Variants in DPYD observed in about 807,000 individuals in gnomAD.
DPYD encodes dihydropyrimidine dehydrogenase [NADP(+)].
DPYD carries 109 observed loss-of-function variants against 116.2 expected under a neutral mutation model. The ratio of observed to expected loss-of-function variants is 0.94; its 90% CI spans 0.80 to 1.10. The LOEUF (loss-of-function observed/expected upper bound fraction) is 1.10, where lower values mean the gene tolerates loss of function less well. Among genes scored for constraint, DPYD ranks in the 50% least tolerant of loss-of-function variants. DPYD has a pLI of 0.00. For missense variants in DPYD, 1,302 were observed against 1,254.5 expected, an observed-to-expected ratio of 1.04 and a Z score of -0.57; for synonymous variants, 440 against 432.0, an observed-to-expected ratio of 1.02 and a Z score of -0.23.
At position 97,693,142 on chromosome 1, in the gene DPYD, T is replaced by G. The variant is rs955177813; in HGVS notation, c.681-1344A>C. Among the ~76,000 whole-genome samples, 8 of 151,530 alleles carry G rather than the reference T, an allele frequency of 5.3e-5. No homozygotes were observed. The East Asian group carries it at 1.4e-3, about 26-fold the overall frequency. ...CGTCTCTACTAAAAATACAAAAAAATTAGCCAGGCATAGTGGCGGGCACCT... is the reference window on the plus strand; with the variant it reads ...CGTCTCTACTAAAAATACAAAAAAAGTAGCCAGGCATAGTGGCGGGCACCT... On this transcript the variant is annotated intron_variant, in intron 6 of 22. Coordinates refer to ENST00000370192, the MANE Select transcript of DPYD (RefSeq NM_000110.4).
chr1:97,561,050 C>T (rs1001944343), intron 11 of DPYD, among the ~76,000 whole-genome samples: 1 of 152,046 alleles, frequency 6.6e-6, no homozygotes, highest in Non-Finnish European at 1.5e-5. Flanking sequence ...AGGGGCCAAA[C>T]CAAGGAGTGT....
intron 20 of DPYD, among the ~76,000 whole-genome samples, chr1:97,140,227 G>T (rs557928645): frequency 6.6e-6 from 1 of 152,186 alleles, no homozygotes; most frequent in East Asian, 1.9e-4. Context: ...GTCAGAGGTT[G>T]GTTGTGAGGG....
intron 16 of DPYD, among the ~76,000 whole-genome samples, chr1:97,307,733 C>A (rs965363320): frequency 6.6e-6 from 1 of 151,886 alleles, no homozygotes; most frequent in South Asian, 2.1e-4. Context: ...GGAGACTTAG[C>A]TGTACAAATT....
intron 11 of DPYD, among the ~76,000 whole-genome samples, chr1:97,558,225 C>T (rs1166443305): frequency 1.3e-5 from 2 of 152,084 alleles, no homozygotes; most frequent in African/African-American, 4.8e-5. Context: ...CACTATGTGA[C>T]TTTATTTCAA....
Position 97,308,323 on chromosome 1 carries a change from G to A in DPYD, c.2059-2026C>T, listed in dbSNP as rs1417371254. On this transcript the variant is annotated intron_variant, in intron 16 of 22. Coordinates refer to ENST00000370192, the MANE Select transcript of DPYD (RefSeq NM_000110.4). Reference sequence around the variant, plus strand: ...GATACCATAATTTGACCCTCCATGAGTAAATTTGACCCTCCATGAGTAAAG... The same window carrying A: ...GATACCATAATTTGACCCTCCATGAATAAATTTGACCCTCCATGAGTAAAG... The A allele has an allele frequency of 2.6e-5, 4 of 151,696 alleles. No individual in the cohort carries two copies. The East Asian group carries it at 5.8e-4, about 22-fold the overall frequency. 9.4% of individuals were successfully genotyped at this position (151,696 alleles called of 1,614,324 possible).
At chr1:97,652,120 C>A (rs1364609529) in intron 8 of DPYD, among the ~76,000 whole-genome samples, 2 of 151,932 alleles carry the variant, frequency 1.3e-5, no homozygotes, top group Non-Finnish European at 1.5e-5. Context: ...TATATTCATT[C>A]TATAAATAGT....
chr1:97,111,015 TAAAC>T (rs151256248), intron 20 of DPYD, among the ~76,000 whole-genome samples: 49,299 of 151,334 alleles, frequency 0.33, 8,392 homozygotes, highest in Middle Eastern at 0.45. Flanking sequence ...TTAAAAAAAA[TAAAC>T]AAAACCCCCA....
intron 8 of DPYD, among the ~76,000 whole-genome samples, chr1:97,610,602 C>A (rs191837791): frequency 2.0e-5 from 3 of 152,102 alleles, no homozygotes; most frequent in South Asian, 2.1e-4. Flanking sequence ...AAACTGTGTA[C>A]GCGATGGGTT....
intron 19 of DPYD, among the ~76,000 whole-genome samples, chr1:97,216,746 G>T (rs1660425657): frequency 6.6e-6 from 1 of 152,128 alleles, no homozygotes; most frequent in African/African-American, 2.4e-5. Flanking sequence ...AGTGACTTGA[G>T]ATCACGCCAC....
intron 3 of DPYD, among the ~76,000 whole-genome samples, chr1:97,790,897 G>A (rs1481686998): frequency 6.6e-6 from 1 of 152,106 alleles, no homozygotes; most frequent in Non-Finnish European, 1.5e-5. Flanking sequence ...AGTATAAGCT[G>A]CTATCAAAAA....
chr1:97,776,516 A>T (rs2101186657), intron 3 of DPYD, among the ~76,000 whole-genome samples: 1 of 152,296 alleles, frequency 6.6e-6, no homozygotes, highest in East Asian at 1.9e-4. Context: ...TTTTGAGGTG[A>T]TCCTCTTAAA....
chr1:97,581,849 C>T (rs934874943), intron 10 of DPYD, among the ~76,000 whole-genome samples: 4 of 151,012 alleles, frequency 2.6e-5, no homozygotes, highest in Admixed American at 2.0e-4. Flanking sequence ...GAATTAGTTA[C>T]TAGGAAGTTC....
chr1:97,096,574 C>A (rs1164870415), intron 21 of DPYD, among the ~76,000 whole-genome samples: 2 of 152,132 alleles, frequency 1.3e-5, no homozygotes, highest in Non-Finnish European at 2.9e-5. Context: ...AATCAGCACT[C>A]TGTAACTAGG....
At chr1:97,559,070 A>T (rs1047549121) in intron 11 of DPYD, among the ~76,000 whole-genome samples, 19 of 152,266 alleles carry the variant, frequency 1.2e-4, no homozygotes, top group Middle Eastern at 3.4e-3. Flanking sequence ...TTGGACCATA[A>T]TCATTATAAT....
At chr1:97,484,166 G>A (rs1296377210) in intron 13 of DPYD, among the ~76,000 whole-genome samples, 1 of 152,180 alleles carries the variant, frequency 6.6e-6, no homozygotes, top group Non-Finnish European at 1.5e-5. Flanking sequence ...TTAGCTGGGT[G>A]TGGCGGCTTG....
chr1:97,822,238 A>C (rs1162847486), intron 3 of DPYD, among the ~76,000 whole-genome samples: 8 of 149,592 alleles, frequency 5.3e-5, no homozygotes, highest in African/African-American at 1.7e-4. Flanking sequence ...CTCTCTCTCT[A>C]TATATATATA....
intron 12 of DPYD, among the ~76,000 whole-genome samples, chr1:97,545,229 G>GTACT (rs1268565117): frequency 6.6e-6 from 1 of 152,002 alleles, no homozygotes; most frequent in African/African-American, 2.4e-5. Context: ...TCTTTTAACT[G>GTACT]TACTTTCTTG....
chr1:97,680,866 C>T (rs1463859026), intron 7 of DPYD, among the ~76,000 whole-genome samples: 1 of 152,034 alleles, frequency 6.6e-6, no homozygotes, highest in Non-Finnish European at 1.5e-5. Flanking sequence ...AGTAAGTCCC[C>T]TTGAAAGTAA....
At chr1:97,602,246 T>A (rs74727777) in intron 8 of DPYD, among the ~76,000 whole-genome samples, 4 of 151,948 alleles carry the variant, frequency 2.6e-5, no homozygotes, top group Non-Finnish European at 4.4e-5. Context: ...AATAAAATAA[T>A]CAAATAATTT....
Sources: allele counts gnomAD v4.1 joint callset (sites outside exome capture counted in the v4.1 genomes callset), GRCh38; gene constraint gnomAD v4.1.1; transcripts MANE v1.5; gene names NCBI Gene and HGNC (gene_info 2026-07-23, HGNC 2026-07-21).